The following EYS variants were observed in gnomAD, a reference collection of about 807,000 sequenced individuals.
The protein encoded by EYS is EGF-like photoreceptor maintenance factor.
Under a neutral mutation model 282.1 loss-of-function variants are expected in EYS, and 250 were observed. The observed-to-expected ratio is 0.89, with a 90% CI of 0.80 to 0.98. The LOEUF (loss-of-function observed/expected upper bound fraction) is 0.98, where lower values mean the gene tolerates loss of function less well. EYS is among the 50% of genes least tolerant of loss of function. The pLI, the probability that EYS is intolerant of heterozygous loss-of-function variation, is 0.00. For synonymous variants in EYS, 1,355 were observed against 1,282.9 expected (o/e 1.06, Z -1.20); for missense variants, 4,016 against 3,709.0 (o/e 1.08, Z -2.15).
chr6:64,533,461 G>A (rs1764418120), intron 26 of EYS, among the ~76,000 whole-genome samples: 1 of 151,994 alleles, frequency 6.6e-6, no homozygotes, highest in Non-Finnish European at 1.5e-5. Flanking sequence ...AAGCAGCAGG[G>A]TTGATATATC....
intron 16 of EYS, among the ~76,000 whole-genome samples, chr6:64,910,720 C>T (rs1175799676): frequency 6.6e-6 from 1 of 152,044 alleles, no homozygotes; most frequent in Non-Finnish European, 1.5e-5. Flanking sequence ...CAGCAGATAT[C>T]ATTACTAGTT....
At chr6:64,190,947 C>CA (rs1215602264) in intron 31 of EYS, among the ~76,000 whole-genome samples, 1 of 152,140 alleles carries the variant, frequency 6.6e-6, no homozygotes, top group Non-Finnish European at 1.5e-5. Context: ...ATTGTGGTTT[C>CA]ATTTTGTATT....
chr6:64,701,757 A>C (rs894242852), intron 22 of EYS, among the ~76,000 whole-genome samples: 1 of 152,054 alleles, frequency 6.6e-6, no homozygotes, highest in African/African-American at 2.4e-5. Context: ...TATTCAGGTA[A>C]CGGGTACAGT....
At chr6:64,106,294 T>C (rs1773009235) in intron 31 of EYS, among the ~76,000 whole-genome samples, 1 of 152,142 alleles carries the variant, frequency 6.6e-6, no homozygotes, top group Non-Finnish European at 1.5e-5. Context: ...ATTTAAGTAC[T>C]TTCAAAGTAC....
chr6:63,800,340 C>T (rs146215207), intron 37 of EYS, among the ~76,000 whole-genome samples: 1,722 of 152,240 alleles, frequency 0.011, 27 homozygotes, highest in African/African-American at 0.039. Context: ...CATCAGGGAC[C>T]ATGCATTTTT....
rs144458103 is a variant in EYS, at chr6:63,872,631, G to A, written c.7056-8273C>T. Among the ~76,000 whole-genome samples, 545 of 151,694 alleles carry A rather than the reference G, an allele frequency of 3.6e-3. 5 individuals carry two copies. The highest frequency in any genetic ancestry group is 0.012 in the African/African-American group (512 of 41,396). On this transcript the variant is annotated intron_variant, in intron 35 of 42. Coordinates refer to ENST00000503581, the MANE Select transcript of EYS (RefSeq NM_001142800.2). ...GTAGCTGGGATTACAGGCACATGCCGCCATGCCTGGCTAATTTTTGTATTT... is the reference window on the plus strand; with the variant it reads ...GTAGCTGGGATTACAGGCACATGCCACCATGCCTGGCTAATTTTTGTATTT...
At chr6:64,145,172 T>C (rs1774470321) in intron 31 of EYS, among the ~76,000 whole-genome samples, 1 of 152,184 alleles carries the variant, frequency 6.6e-6, no homozygotes, top group Non-Finnish European at 1.5e-5. Flanking sequence ...CCTTGCCTTT[T>C]AATTTTCTTT....
chr6:64,529,753 C>T (rs1764266307), intron 26 of EYS, among the ~76,000 whole-genome samples: 1 of 151,968 alleles, frequency 6.6e-6, no homozygotes, highest in Non-Finnish European at 1.5e-5. Flanking sequence ...TACTAGAGCT[C>T]AGCTGTCAAG....
At chr6:64,450,522 C>A (rs1775290944) in intron 26 of EYS, among the ~76,000 whole-genome samples, 1 of 152,166 alleles carries the variant, frequency 6.6e-6, no homozygotes. Flanking sequence ...TAGACATTTA[C>A]AGAACTCTCC....
At chr6:64,352,698 T>C (rs1771683606) in intron 29 of EYS, among the ~76,000 whole-genome samples, 1 of 151,606 alleles carries the variant, frequency 6.6e-6, no homozygotes, top group Non-Finnish European at 1.5e-5. Context: ...AACACTAACA[T>C]ACTTGCTTAC....
chr6:64,649,837 T>C (rs552422813), intron 22 of EYS, among the ~76,000 whole-genome samples: 1 of 152,278 alleles, frequency 6.6e-6, no homozygotes, highest in African/African-American at 2.4e-5. Flanking sequence ...TTATAATACA[T>C]TATTAAGAAA....
chr6:64,617,969 A>T (rs1354341318), intron 23 of EYS, among the ~76,000 whole-genome samples: 2 of 152,190 alleles, frequency 1.3e-5, no homozygotes, highest in African/African-American at 4.8e-5. Flanking sequence ...AGATCTCTAG[A>T]TATACAATGT....
At chr6:64,474,302 A>T (rs946128330) in intron 26 of EYS, among the ~76,000 whole-genome samples, 1 of 152,184 alleles carries the variant, frequency 6.6e-6, no homozygotes, top group Non-Finnish European at 1.5e-5. Flanking sequence ...ATATTTTCCT[A>T]TTATTAAAGT....
chr6:64,921,181 T>C (rs760731267), intron 15 of EYS, among the ~76,000 whole-genome samples: 1 of 152,188 alleles, frequency 6.6e-6, no homozygotes, highest in Admixed American at 6.5e-5. Context: ...GTTCAGACTA[T>C]ATGCATATAA....
intron 13 of EYS, among the ~76,000 whole-genome samples, chr6:65,018,424 A>G (rs2150137017): frequency 6.6e-6 from 1 of 152,116 alleles, no homozygotes; most frequent in Middle Eastern, 3.4e-3. Context: ...CTCTCTCAAT[A>G]TTTGTCTGTG....
intron 16 of EYS, among the ~76,000 whole-genome samples, chr6:64,904,115 C>T (rs1767751555): frequency 6.6e-6 from 1 of 152,014 alleles, no homozygotes; most frequent in African/African-American, 2.4e-5. Flanking sequence ...TTATTTAAAA[C>T]ATAACAACAA....
chr6:64,260,760 T>C (rs1393613270), intron 30 of EYS, among the ~76,000 whole-genome samples: 4 of 152,042 alleles, frequency 2.6e-5, no homozygotes, highest in African/African-American at 9.7e-5. Context: ...ACATCCTTTA[T>C]TTCATTACTG....
chr6:65,004,242 T>C (rs1458906793), intron 13 of EYS, among the ~76,000 whole-genome samples: 1 of 147,696 alleles, frequency 6.8e-6, no homozygotes, highest in South Asian at 2.2e-4. Context: ...CACATTTCAT[T>C]AGATTTCCTC....
rs537991140 is a variant in EYS at position 64,080,989 on chromosome 6, G to A, written c.6571+867C>T. On this transcript the variant is annotated intron_variant, in intron 32 of 42. Coordinates refer to ENST00000503581, the MANE Select transcript of EYS (RefSeq NM_001142800.2). Reference sequence around the variant, plus strand: ...GTAGGATAGTTTGAAGTCAGGTAGCGTGATGCCTCCAGCTTTGTTCTTTTG... The same window carrying A: ...GTAGGATAGTTTGAAGTCAGGTAGCATGATGCCTCCAGCTTTGTTCTTTTG... 3.7e-3 allele frequency among the ~76,000 whole-genome samples: 561 copies of A among 152,006 alleles called. 2 individuals carry two copies. Among genetic ancestry groups the A allele is most frequent in the African/African-American group, 0.013 (528 of 41,468 alleles).
Sources: allele counts gnomAD v4.1 joint callset (sites outside exome capture counted in the v4.1 genomes callset), GRCh38; gene constraint gnomAD v4.1.1; transcripts MANE v1.5; gene names NCBI Gene and HGNC (gene_info 2026-07-23, HGNC 2026-07-21).